The following KIR2DL3 variants were observed in gnomAD, a reference collection of about 807,000 sequenced individuals.
KIR2DL3 encodes killer cell immunoglobulin-like receptor 2DL3.
A neutral mutation model predicts 33.8 loss-of-function variants in KIR2DL3; 39 were observed. The observed-to-expected ratio is 1.15, with a 90% CI of 0.89 to 1.51. The LOEUF (loss-of-function observed/expected upper bound fraction) is 1.51. Among genes scored for constraint, KIR2DL3 ranks in the 40% most tolerant of loss-of-function variants. KIR2DL3 has a pLI of 0.00. For missense variants in KIR2DL3, 462 were observed against 426.2 expected, an observed-to-expected ratio of 1.08 and a Z score of -0.74; for synonymous variants, 174 against 160.2, an observed-to-expected ratio of 1.09 and a Z score of -0.65.
rs1247882843 is a variant in KIR2DL3, at chr19:54,753,042, G to A, written c.*523G>A. 1 of 175,058 alleles carries A rather than the reference G, an allele frequency of 5.7e-6. No homozygotes were observed. The highest frequency in any genetic ancestry group is 2.7e-5 in the African/African-American group (1 of 36,922). 10.8% of individuals were successfully genotyped at this position (175,058 alleles called of 1,614,324 possible). On this transcript the variant is annotated 3_prime_UTR_variant, in exon 8 of 8. Coordinates refer to ENST00000342376, the MANE Select transcript of KIR2DL3 (RefSeq NM_015868.3). ...AGTTTTCCCTCCTTCAAATAAACAT[G>A]TCTGCCCTCATGGTTTAGGTAATGG... is the stretch of plus-strand genomic sequence containing the variant.
chr19:54,746,904 C>A (rs2072589485), intron 4 of KIR2DL3, among the ~76,000 whole-genome samples: 1 of 147,832 alleles, frequency 6.8e-6, no homozygotes, highest in Non-Finnish European at 1.5e-5. Context: ...ATTGATTGAA[C>A]CCAGGAGGCT....
Position 54,744,960 on chromosome 19 carries a change from T to G in KIR2DL3, c.664+872T>G, listed in dbSNP as rs1320218397. Among the ~76,000 whole-genome samples the G allele has an allele frequency of 7.6e-5, 3 of 39,438 alleles. 1 individual carries two copies. The highest frequency in any genetic ancestry group is 1.5e-4 in the Non-Finnish European group (3 of 20,594). The allele number at this position is 39,438 out of a possible 152,430, so 25.9% of individuals were successfully genotyped here. A position where few individuals can be genotyped will look rare whatever the true frequency, so the allele number is the denominator to read the frequency against. On this transcript the variant is annotated intron_variant, in intron 4 of 7. Coordinates refer to ENST00000342376, the MANE Select transcript of KIR2DL3 (RefSeq NM_015868.3). ...TATATATATATATATATATATTTTT[T>G]TTTTTTTTTTTTTTTTTACCCTCCA...
intron 4 of KIR2DL3, among the ~76,000 whole-genome samples, chr19:54,747,024 A>T (rs2147127166): frequency 7.1e-6 from 1 of 141,552 alleles, no homozygotes; most frequent in Middle Eastern, 3.6e-3. Context: ...TGCATGGATT[A>T]TATCTGTGTT....
chr19:54,750,381 C>T lies in KIR2DL3; in HGVS notation c.716-1268C>T, dbSNP rs568145986. 7.0e-5 allele frequency among the ~76,000 whole-genome samples: 10 copies of T among 142,126 alleles called. 1 individual carries two copies. In the East Asian group the frequency reaches 1.8e-3, roughly 25 times the overall value. 93.2% of individuals were successfully genotyped at this position (142,126 alleles called of 152,430 possible). On this transcript the variant is annotated intron_variant, in intron 5 of 7. Coordinates refer to ENST00000342376, the MANE Select transcript of KIR2DL3 (RefSeq NM_015868.3). ...ATGGCCGAGGGGGTGGTCCTTCCCC[C>T]AGCCTCTCGGGTAGAACAGCAGCCT...
Position 54,746,041 on chromosome 19 carries a change from G to T in KIR2DL3, c.665-1294G>T, listed in dbSNP as rs184709629. On this transcript the variant is annotated intron_variant, in intron 4 of 7. Transcript: ENST00000342376. ...TGGGTCAGACTGGTCTCAAACTCCC[G>T]ACCTTATGAGGTTCACCCACCTCAG... is the stretch of plus-strand genomic sequence containing the variant. Among the ~76,000 whole-genome samples, 633 of 131,000 alleles carry T rather than the reference G, an allele frequency of 4.8e-3. 24 individuals are homozygous for T. The highest frequency in any genetic ancestry group is 0.017 in the African/African-American group (598 of 34,750). 85.9% of individuals were successfully genotyped at this position (131,000 alleles called of 152,430 possible).
intron 4 of KIR2DL3, among the ~76,000 whole-genome samples, 192 bp downstream of exon 4, chr19:54,744,280 G>A (rs778682854): frequency 6.0e-4 from 91 of 152,186 alleles, no homozygotes; most frequent in Non-Finnish European, 1.2e-3. Context: ...ATGAAGGCCC[G>A]CGGCCAGGGC....
chr19:54,739,016 A>T (rs1303678236), intron 1 of KIR2DL3, among the ~76,000 whole-genome samples: 19 of 130,230 alleles, frequency 1.5e-4, no homozygotes, highest in Non-Finnish European at 2.7e-4. Context: ...CAGTAGAGAT[A>T]TGGGCCTGGA....
intron 4 of KIR2DL3, among the ~76,000 whole-genome samples, chr19:54,744,892 A>ACATTTTTT (rs1293103414): frequency 2.8e-5 from 2 of 71,346 alleles, no homozygotes; most frequent in Non-Finnish European, 6.1e-5. Context: ...ATATATATAT[A>ACATTTTTT]TATATACACA....
intron 4 of KIR2DL3, among the ~76,000 whole-genome samples, chr19:54,744,946 A>ATG (rs2072158208): frequency 3.8e-5 from 1 of 26,208 alleles, no homozygotes; most frequent in Non-Finnish European, 7.5e-5. Flanking sequence ...ATATATATAT[A>ATG]TATATATATT....
At chr19:54,747,434 G>A in intron 5 of KIR2DL3, 49 bp downstream of exon 5, 7 of 1,585,906 alleles carry the variant, frequency 4.4e-6, no homozygotes, top group Non-Finnish European at 6.1e-6. Context: ...TGGGGAGGTA[G>A]AAACCTTCGA....
chr19:54,751,863 G>A (rs1239783475), intron 6 of KIR2DL3, 110 bp downstream of exon 6: 15 of 975,746 alleles, frequency 1.5e-5, no homozygotes, highest in Non-Finnish European at 1.8e-5. Context: ...GCCCAAGGCA[G>A]CAGCCACAGA....
chr19:54,742,316 G>A (rs1222456683), intron 3 of KIR2DL3, 37 bp downstream of exon 3: 9 of 1,609,276 alleles, frequency 5.6e-6, no homozygotes, highest in African/African-American at 1.3e-5. Flanking sequence ...TCATTGGGAT[G>A]CAGAGTGAAT....
At position 54,744,977 on chromosome 19, in the gene KIR2DL3, T is replaced by A. The variant is rs1007848963; in HGVS notation, c.664+889T>A. Among the ~76,000 whole-genome samples the A allele has an allele frequency of 5.2e-4, 48 of 93,060 alleles. No homozygotes were observed. In the East Asian group the frequency reaches 0.014, roughly 28 times the overall value. The allele number at this position is 93,060 out of a possible 152,430, so 61.1% of individuals were successfully genotyped here. ...ATATTTTTTTTTTTTTTTTTTTTTTTACCCTCCACCCTTTTATTCCTGGCC... is the reference window on the plus strand; with the variant it reads ...ATATTTTTTTTTTTTTTTTTTTTTTAACCCTCCACCCTTTTATTCCTGGCC... On this transcript the variant is annotated intron_variant, in intron 4 of 7. Coordinates refer to ENST00000342376, the MANE Select transcript of KIR2DL3 (RefSeq NM_015868.3).
chr19:54,748,717 A>T (rs2072956419), intron 5 of KIR2DL3, among the ~76,000 whole-genome samples: 1 of 142,802 alleles, frequency 7.0e-6, no homozygotes, highest in Non-Finnish European at 1.5e-5. Flanking sequence ...CGTCTCCTGG[A>T]TTCAAGTGAT....
chr19:54,744,927 T>TAAAC (rs1568969388), intron 4 of KIR2DL3, among the ~76,000 whole-genome samples: 1 of 16,606 alleles, frequency 6.0e-5, no homozygotes, highest in Admixed American at 8.3e-4. Flanking sequence ...TAAACATATA[T>TAAAC]ATATATATAT....
intron 4 of KIR2DL3, among the ~76,000 whole-genome samples, chr19:54,744,478 G>GT (rs2147082856): frequency 6.6e-6 from 1 of 152,064 alleles, no homozygotes; most frequent in African/African-American, 2.4e-5. Context: ...ACTTTTGTTT[G>GT]AAGAAATATT....
At chr19:54,748,253 T>C (rs112254705) in intron 5 of KIR2DL3, among the ~76,000 whole-genome samples, 3 of 151,854 alleles carry the variant, frequency 2.0e-5, no homozygotes, top group South Asian at 2.1e-4. Flanking sequence ...TTCTTCCTTA[T>C]CTTTTGAAAA....
Position 54,744,932 on chromosome 19 carries a change from A to ATG in KIR2DL3, c.664+845_664+846insGT, listed in dbSNP as rs1366764054. 4.0e-3 allele frequency among the ~76,000 whole-genome samples: 93 copies of ATG among 23,492 alleles called. 1 individual carries two copies. The highest frequency in any genetic ancestry group is 0.013 in the African/African-American group (89 of 7,100). 15.4% of individuals were successfully genotyped at this position (23,492 alleles called of 152,430 possible). ...CACACATATATAAACATATATATAT[A>ATG]TATATATATATATATATATATATTT... On this transcript the variant is annotated intron_variant, in intron 4 of 7. Transcript: ENST00000342376.
rs550269956 is a variant in KIR2DL3 at position 54,752,303 on chromosome 19, T to C, written c.873+35T>C. ...CCTCGGCCCAGCCTCGTGGCTAGTG[T>C]TATTCCCAAAGAGTCCTGGAAAATG... is the stretch of plus-strand genomic sequence containing the variant. On this transcript the variant is annotated intron_variant, in intron 7 of 7. Coordinates refer to ENST00000342376, the MANE Select transcript of KIR2DL3 (RefSeq NM_015868.3). 13 of 1,483,628 alleles carry C rather than the reference T, an allele frequency of 8.8e-6. 2 individuals carry two copies. The East Asian group carries it at 2.3e-4, about 26-fold the overall frequency. The allele number at this position is 1,483,628 out of a possible 1,614,324, so 91.9% of individuals were successfully genotyped here. A position where few individuals can be genotyped will look rare whatever the true frequency, so the allele number is the denominator to read the frequency against.
Sources: gnomAD v4.1 joint callset for allele counts (sites outside exome capture counted in the v4.1 genomes callset) on GRCh38, gnomAD v4.1.1 for gene constraint, MANE v1.5 for transcripts, NCBI Gene and HGNC (gene_info 2026-07-23, HGNC 2026-07-21) for gene names.